The following CNTN4 variants were observed in gnomAD, a reference collection of about 807,000 sequenced individuals.
CNTN4 encodes the protein contactin 4, also known as contactin-4.
In CNTN4, 77 loss-of-function variants were observed where a neutral mutation model predicts 122.5. The observed-to-expected ratio is 0.63, with a 90% CI of 0.52 to 0.76. The LOEUF is 0.76. Among genes scored for constraint, CNTN4 ranks in the 30% least tolerant of loss-of-function variants. CNTN4 has a pLI of 0.00. For missense variants in CNTN4, 1,256 were observed against 1,259.1 expected (o/e 1.00, Z 0.04); for synonymous variants, 512 against 447.0 (o/e 1.15, Z -1.83).
chr3:2,340,257 A>G (rs1416380066), intron 3 of CNTN4, among the ~76,000 whole-genome samples: 1 of 152,168 alleles, frequency 6.6e-6, no homozygotes, highest in Non-Finnish European at 1.5e-5. Context: ...ATTGTTAACA[A>G]TGTATTTATG....
chr3:2,715,496 G>C (rs1255473104), intron 4 of CNTN4, among the ~76,000 whole-genome samples: 1 of 152,124 alleles, frequency 6.6e-6, no homozygotes, highest in East Asian at 1.9e-4. Context: ...GGAATATCAG[G>C]GGGATTTATC....
At chr3:2,603,315 CT>C (rs1559293105) in intron 4 of CNTN4, among the ~76,000 whole-genome samples, 1 of 152,040 alleles carries the variant, frequency 6.6e-6, no homozygotes, top group Non-Finnish European at 1.5e-5. Flanking sequence ...GAAATTTTTT[CT>C]TTGATTCAGA....
At chr3:2,900,622 T>G (rs2094162952) in intron 10 of CNTN4, 63 bp from the exon 11 acceptor site, 1 of 1,558,706 alleles carries the variant, frequency 6.4e-7, no homozygotes, top group East Asian at 2.2e-5. Context: ...TGATTGAATA[T>G]GATAAAAATA....
At chr3:2,530,816 G>C (rs1204433504) in intron 3 of CNTN4, among the ~76,000 whole-genome samples, 3 of 152,158 alleles carry the variant, frequency 2.0e-5, no homozygotes, top group African/African-American at 7.2e-5. Flanking sequence ...ATTCAGCCAA[G>C]AAGTTACTCT....
chr3:2,244,544 AATG>A (rs1460882974), intron 2 of CNTN4, among the ~76,000 whole-genome samples: 3 of 152,152 alleles, frequency 2.0e-5, no homozygotes, highest in Non-Finnish European at 4.4e-5. Context: ...TCTCTGTTGA[AATG>A]ATATTTTGAG....
intron 2 of CNTN4, among the ~76,000 whole-genome samples, chr3:2,305,470 A>T (rs536808930): frequency 1.3e-5 from 2 of 152,288 alleles, no homozygotes; most frequent in East Asian, 3.9e-4. Context: ...TGAATTTCTA[A>T]GTAATGTACT....
rs779190869 is a variant in CNTN4 at position 2,527,789 on chromosome 3, C to T, written c.-88-43627C>T. Among the ~76,000 whole-genome samples the T allele has an allele frequency of 5.9e-5, 9 of 152,080 alleles. No homozygotes were observed. The South Asian group carries it at 1.9e-3, about 31-fold the overall frequency. On this transcript the variant is annotated intron_variant, in intron 3 of 24. Transcript: ENST00000418658. ...GATGTCTTTCAGCCTTGCTCTTCAACAAAAATAGAACAAGTTTATTGGTAG... is the reference window on the plus strand; with the variant it reads ...GATGTCTTTCAGCCTTGCTCTTCAATAAAAATAGAACAAGTTTATTGGTAG...
chr3:2,173,281 T>C (rs2036595766), intron 2 of CNTN4, among the ~76,000 whole-genome samples: 1 of 152,186 alleles, frequency 6.6e-6, no homozygotes, highest in Non-Finnish European at 1.5e-5. Context: ...ATCTACTAAG[T>C]TGCTAATTAG....
intron 12 of CNTN4, among the ~76,000 whole-genome samples, chr3:2,920,228 A>AATG: frequency 6.6e-6 from 1 of 151,202 alleles, no homozygotes; most frequent in South Asian, 2.1e-4. Flanking sequence ...ACACATATGT[A>AATG]TCTAAAACAT....
intron 7 of CNTN4, among the ~76,000 whole-genome samples, chr3:2,834,136 T>A (rs1011678917): frequency 2.6e-5 from 4 of 151,876 alleles, no homozygotes; most frequent in African/African-American, 9.7e-5. Flanking sequence ...AGAGCAAGAC[T>A]TCGTCTCAAA....
intron 14 of CNTN4, among the ~76,000 whole-genome samples, chr3:3,009,510 T>C (rs999034406): frequency 2.6e-5 from 4 of 151,364 alleles, no homozygotes; most frequent in African/African-American, 7.3e-5. Context: ...CTCAGCTCAC[T>C]GCAAGCTCCG....
rs547199167 is a variant in CNTN4, at chr3:2,264,963, C to T, written c.-144-74215C>T. Among the ~76,000 whole-genome samples, 24 of 152,128 alleles carry T rather than the reference C, an allele frequency of 1.6e-4. No homozygotes were observed. The South Asian group carries it at 4.6e-3, about 29-fold the overall frequency. On this transcript the variant is annotated intron_variant, in intron 2 of 24. Transcript: ENST00000418658. ...CTGAGATTTTGGTGCCCCCATCACC[C>T]AGGCAGTGTACAATATGTCCAATGT... is the stretch of plus-strand genomic sequence containing the variant.
At chr3:2,930,869 A>G (rs532874320) in intron 13 of CNTN4, among the ~76,000 whole-genome samples, 2 of 152,362 alleles carry the variant, frequency 1.3e-5, no homozygotes, top group African/African-American at 2.4e-5. Flanking sequence ...GCAGAGGCCC[A>G]GTAGCACAAT....
Position 2,152,533 on chromosome 3 carries a change from C to T in CNTN4, c.-145+51894C>T, listed in dbSNP as rs1426838657. Among the ~76,000 whole-genome samples, 4 of 152,032 alleles carry T rather than the reference C, an allele frequency of 2.6e-5. No individual in the cohort carries two copies. The East Asian group carries it at 7.7e-4, about 29-fold the overall frequency. ...CGTGGTAGAGATGATGGGACTTTGT[C>T]AGATTCTGAATATATTTAGAAGGCT... On this transcript the variant is annotated intron_variant, in intron 2 of 24. Coordinates refer to ENST00000418658, the MANE Select transcript of CNTN4 (RefSeq NM_175607.3).
At chr3:2,575,541 C>T (rs1014424684) in intron 4 of CNTN4, among the ~76,000 whole-genome samples, 4 of 152,080 alleles carry the variant, frequency 2.6e-5, no homozygotes, top group Non-Finnish European at 4.4e-5. Context: ...GAAATGATAC[C>T]GCATACACTT....
intron 3 of CNTN4, among the ~76,000 whole-genome samples, chr3:2,568,817 C>G (rs1245064870): frequency 1.3e-5 from 2 of 152,200 alleles, no homozygotes; most frequent in Non-Finnish European, 2.9e-5. Context: ...CCTTAAAAAT[C>G]TACAGCCCTT....
chr3:2,292,341 G>A (rs779687741), intron 2 of CNTN4, among the ~76,000 whole-genome samples: 2 of 152,160 alleles, frequency 1.3e-5, no homozygotes, highest in Non-Finnish European at 2.9e-5. Context: ...TTGAAACACA[G>A]TACCAAACAT....
chr3:2,661,983 C>A (rs1475655948), intron 4 of CNTN4, among the ~76,000 whole-genome samples: 1 of 152,088 alleles, frequency 6.6e-6, no homozygotes, highest in Non-Finnish European at 1.5e-5. Flanking sequence ...GTTAACCTTC[C>A]TGCAGAGCAG....
chr3:2,628,160 C>T (rs1163335697), intron 4 of CNTN4, among the ~76,000 whole-genome samples: 1 of 152,184 alleles, frequency 6.6e-6, no homozygotes, highest in East Asian at 1.9e-4. Context: ...TTATAAACCA[C>T]AAATGCCTGG....
Sources: allele counts gnomAD v4.1 joint callset (sites outside exome capture counted in the v4.1 genomes callset), GRCh38; gene constraint gnomAD v4.1.1; transcripts MANE v1.5; gene names NCBI Gene and HGNC (gene_info 2026-07-23, HGNC 2026-07-21).